MANBA: variants seen among roughly 807,000 people sequenced by gnomAD.
MANBA encodes mannosidase beta.
In MANBA, 83 loss-of-function variants were observed where a neutral mutation model predicts 111.1. The ratio of observed to expected loss-of-function variants is 0.75; its 90% CI spans 0.63 to 0.90. The LOEUF is 0.90. Among genes scored for constraint, MANBA ranks in the 40% least tolerant of loss-of-function variants. MANBA has a pLI of 0.00. For missense variants in MANBA, 1,036 were observed against 1,069.0 expected (o/e 0.97, Z 0.43); for synonymous variants, 370 against 378.7 (o/e 0.98, Z 0.27).
chr4:102,760,626 C>T, intron 1 of MANBA, 92 bp downstream of exon 1: 4 of 1,348,504 alleles, frequency 3.0e-6, no homozygotes, highest in Non-Finnish European at 4.0e-6. Context: ...GAGAATGGCC[C>T]AGAGCTGGGG....
chr4:102,650,104 G>A (rs542599934), intron 13 of MANBA, among the ~76,000 whole-genome samples: 2 of 152,110 alleles, frequency 1.3e-5, no homozygotes, highest in Admixed American at 1.3e-4. Context: ...AGGTATCCAC[G>A]TGATTCACCA....
chr4:102,638,013 C>A (rs1002129604), intron 14 of MANBA, among the ~76,000 whole-genome samples: 1 of 152,190 alleles, frequency 6.6e-6, no homozygotes, highest in Non-Finnish European at 1.5e-5. Context: ...TTGGAGGGCA[C>A]TCGCATGGTG....
chr4:102,750,183 T>A (rs968222430), intron 1 of MANBA, among the ~76,000 whole-genome samples: 6 of 152,186 alleles, frequency 3.9e-5, no homozygotes, highest in Non-Finnish European at 8.8e-5. Flanking sequence ...CTTTTTTTTT[T>A]AATTTTACTT....
chr4:102,719,462 C>T (rs899922232), intron 4 of MANBA, among the ~76,000 whole-genome samples: 8 of 152,160 alleles, frequency 5.3e-5, no homozygotes, highest in African/African-American at 1.4e-4. Flanking sequence ...TTCAAACACA[C>T]ATGTTCTACA....
intron 12 of MANBA, among the ~76,000 whole-genome samples, chr4:102,655,011 A>C (rs59208331): frequency 6.6e-6 from 1 of 152,308 alleles, no homozygotes; most frequent in East Asian, 1.9e-4. Flanking sequence ...ATTCAAGCGC[A>C]ATATACAAAA....
chr4:102,739,204 G>A (rs1413419700), intron 1 of MANBA, among the ~76,000 whole-genome samples: 1 of 152,142 alleles, frequency 6.6e-6, no homozygotes, highest in African/African-American at 2.4e-5. Context: ...GAAACCTAGA[G>A]GAAATGGATA....
intron 1 of MANBA, among the ~76,000 whole-genome samples, chr4:102,737,629 C>T (rs1158356666): frequency 6.6e-6 from 1 of 152,120 alleles, no homozygotes; most frequent in East Asian, 1.9e-4. Flanking sequence ...ACCACAGGCG[C>T]CCGCCACCAC....
chr4:102,760,332 A>G (rs1578968229), intron 1 of MANBA, among the ~76,000 whole-genome samples: 1 of 152,280 alleles, frequency 6.6e-6, no homozygotes, highest in South Asian at 2.1e-4. Flanking sequence ...ACTTAACAAA[A>G]CGCTGTTGTC....
chr4:102,706,026 C>T (rs917872480), intron 5 of MANBA, among the ~76,000 whole-genome samples: 2 of 152,192 alleles, frequency 1.3e-5, no homozygotes, highest in African/African-American at 4.8e-5. Flanking sequence ...CCTGCCACTG[C>T]TACTGCCATT....
chr4:102,685,546 C>T (rs1732170916), intron 7 of MANBA, among the ~76,000 whole-genome samples: 1 of 152,048 alleles, frequency 6.6e-6, no homozygotes, highest in Non-Finnish European at 1.5e-5. Context: ...CAAAGTGAAT[C>T]CATCCTCTTC....
At chr4:102,661,803 C>G (rs776922841) in intron 11 of MANBA, among the ~76,000 whole-genome samples, 11 of 152,182 alleles carry the variant, frequency 7.2e-5, no homozygotes, top group Admixed American at 2.0e-4. Flanking sequence ...GACCTTAAAC[C>G]CTTAGTTGGA....
chr4:102,704,223 C>T (rs775375852), intron 5 of MANBA, among the ~76,000 whole-genome samples: 3 of 152,138 alleles, frequency 2.0e-5, no homozygotes, highest in Non-Finnish European at 4.4e-5. Context: ...GTTGCAATTC[C>T]CCTGTCTTGA....
intron 7 of MANBA, 111 bp downstream of exon 7, chr4:102,689,463 G>T: frequency 1.5e-6 from 1 of 663,428 alleles, no homozygotes; most frequent in Non-Finnish European, 2.6e-6. Context: ...GATCTCTGAT[G>T]GGTGGGGACA....
At position 102,760,951 on chromosome 4, in the gene MANBA, C is replaced by A; in HGVS notation, c.-57G>T. ...GATCGAAAGGCAGCGCTGCAAGGGA[C>A]CGGCGGTGAAGCCACTCACCCCCTC... is the stretch of plus-strand genomic sequence containing the variant. On this transcript the variant is annotated 5_prime_UTR_variant, in exon 1 of 17. Transcript: ENST00000647097. 6.7e-7 allele frequency: 1 copy of A among 1,500,650 alleles called. No homozygotes were observed. Among genetic ancestry groups the A allele is most frequent in the Non-Finnish European group, 9.0e-7 (1 of 1,114,848 alleles). 93.0% of individuals were successfully genotyped at this position (1,500,650 alleles called of 1,614,324 possible). A position where few individuals can be genotyped will look rare whatever the true frequency, so the allele number is the denominator to read the frequency against.
intron 7 of MANBA, among the ~76,000 whole-genome samples, chr4:102,676,878 G>C (rs78777365): frequency 0.011 from 1,619 of 152,218 alleles, 25 homozygotes; most frequent in African/African-American, 0.037. Flanking sequence ...CAAACTGCTA[G>C]TAGTCATTAC....
At chr4:102,697,854 G>A (rs1419049507) in intron 5 of MANBA, among the ~76,000 whole-genome samples, 1 of 152,074 alleles carries the variant, frequency 6.6e-6, no homozygotes, top group African/African-American at 2.4e-5. Flanking sequence ...ATGATTTATA[G>A]TCCTTTGGAT....
At chr4:102,725,784 C>A (rs7677366) in intron 2 of MANBA, among the ~76,000 whole-genome samples, 3,598 of 151,968 alleles carry the variant, frequency 0.024, 127 homozygotes, top group African/African-American at 0.078. Context: ...AAATGTTAAA[C>A]AAAAATTTGC....
At chr4:102,756,419 A>G (rs570995305) in intron 1 of MANBA, among the ~76,000 whole-genome samples, 1 of 152,282 alleles carries the variant, frequency 6.6e-6, no homozygotes, top group South Asian at 2.1e-4. Flanking sequence ...TGGGAATTGA[A>G]CAATGAGAAC....
At chr4:102,635,376 A>T (rs1375581570) in intron 15 of MANBA, among the ~76,000 whole-genome samples, 1 of 152,152 alleles carries the variant, frequency 6.6e-6, no homozygotes, top group East Asian at 1.9e-4. Context: ...TGTCCTCCAA[A>T]CTATAGCCAC....
Sources: allele counts gnomAD v4.1 joint callset (sites outside exome capture counted in the v4.1 genomes callset), GRCh38; gene constraint gnomAD v4.1.1; transcripts MANE v1.5; gene names NCBI Gene and HGNC (gene_info 2026-07-23, HGNC 2026-07-21).